The following PHF24 variants were observed in gnomAD, a reference collection of about 807,000 sequenced individuals.
PHF24 encodes the protein Galpha inhibitory interacting protein.
Under a neutral mutation model 42.6 loss-of-function variants are expected in PHF24, and 25 were observed. That is an observed-to-expected ratio of 0.59 (90% CI 0.43 to 0.82). PHF24 has a LOEUF of 0.82. PHF24 is among the 40% of genes least tolerant of loss of function. PHF24 has a pLI of 0.00. For synonymous variants in PHF24, 185 were observed against 204.8 expected, an observed-to-expected ratio of 0.90 and a Z score of 0.83; for missense variants, 470 against 538.1, an observed-to-expected ratio of 0.87 and a Z score of 1.25.
At chr9:34,849,537 G>A in the PHF24 span, among the ~76,000 whole-genome samples, 1 of 151,874 alleles carries the variant, frequency 6.6e-6, no homozygotes, top group Non-Finnish European at 1.5e-5. Flanking sequence ...CACACTGATG[G>A]GTCTTGATTC....
At chr9:34,895,157 A>G in the PHF24 span, 4 of 398,356 alleles carry the variant, frequency 1.0e-5, no homozygotes, top group Non-Finnish European at 1.8e-5. Context: ...AACAAAACTC[A>G]TAAACATTTC....
chr9:34,758,580 A>G, the PHF24 span, among the ~76,000 whole-genome samples: 18 of 152,074 alleles, frequency 1.2e-4, no homozygotes, highest in Non-Finnish European at 2.2e-4. The surrounding 1 kb of genome is among the most constrained non-coding windows in gnomAD (Gnocchi z 4.4). Context: ...GACATAATGA[A>G]GATGGAGCCA....
the PHF24 span, among the ~76,000 whole-genome samples, chr9:34,942,905 C>T: frequency 1.3e-5 from 2 of 151,912 alleles, no homozygotes; most frequent in Admixed American, 6.6e-5. Flanking sequence ...ATGTAAATGA[C>T]GAGTTAATGG....
chr9:34,837,629 G>C, the PHF24 span: 1 of 1,497,744 alleles, frequency 6.7e-7, no homozygotes, highest in Admixed American at 2.0e-5. Context: ...GTGGAAGGGA[G>C]TCAGAGGAGA....
the PHF24 span, among the ~76,000 whole-genome samples, chr9:34,830,564 G>T: frequency 6.6e-6 from 1 of 152,180 alleles, no homozygotes; most frequent in African/African-American, 2.4e-5. Flanking sequence ...ATATGAGTAT[G>T]ATGGCCATTA....
chr9:34,864,265 C>T, the PHF24 span, among the ~76,000 whole-genome samples: 2 of 152,072 alleles, frequency 1.3e-5, no homozygotes, highest in Admixed American at 1.3e-4. Flanking sequence ...ATTCCCAAAC[C>T]TAGAGAAGGA....
the PHF24 span, among the ~76,000 whole-genome samples, chr9:34,948,886 A>G: frequency 3.3e-5 from 5 of 152,262 alleles, no homozygotes; most frequent in Non-Finnish European, 5.9e-5. Context: ...AGCTAGACCG[A>G]CTATATTAAC....
the PHF24 span, among the ~76,000 whole-genome samples, chr9:34,924,735 C>T: frequency 6.6e-6 from 1 of 152,084 alleles, no homozygotes; most frequent in South Asian, 2.1e-4. Context: ...TCAGTCACTC[C>T]ATGTCTTTTG....
chr9:34,809,965 C>G, the PHF24 span, among the ~76,000 whole-genome samples: 1 of 150,922 alleles, frequency 6.6e-6, no homozygotes, highest in Admixed American at 6.6e-5. The surrounding 1 kb of genome is among the most constrained non-coding windows in gnomAD (Gnocchi z 4.1). Flanking sequence ...CGCGCGCCCA[C>G]CTGCCGGCCA....
At chr9:34,824,054 C>T in the PHF24 span, among the ~76,000 whole-genome samples, 2 of 152,206 alleles carry the variant, frequency 1.3e-5, no homozygotes, top group Admixed American at 1.3e-4. Context: ...ACACTCCCTT[C>T]ACCCTCAGGG....
intron 3 of PHF24, among the ~76,000 whole-genome samples, chr9:34,973,827 G>A (rs1168940045): frequency 6.6e-6 from 1 of 152,220 alleles, no homozygotes; most frequent in African/African-American, 2.4e-5. Context: ...GTGTGCTGCT[G>A]CTATAGGACT....
chr9:34,833,593 T>C, the PHF24 span: 2 of 1,549,676 alleles, frequency 1.3e-6, no homozygotes, highest in South Asian at 1.2e-5. Context: ...GAATTCCCCA[T>C]TGTATCTCTA....
the PHF24 span, among the ~76,000 whole-genome samples, chr9:34,832,143 G>T: frequency 5.3e-5 from 8 of 152,158 alleles, no homozygotes; most frequent in Admixed American, 5.2e-4. Context: ...TGCATTTCTA[G>T]TGGCACCCTG....
At chr9:34,842,599 A>T in the PHF24 span, among the ~76,000 whole-genome samples, 4 of 152,118 alleles carry the variant, frequency 2.6e-5, no homozygotes, top group Non-Finnish European at 5.9e-5. Context: ...CCTCTGGAGG[A>T]TGCAGCAACC....
the PHF24 span, among the ~76,000 whole-genome samples, chr9:34,872,566 A>G: frequency 1.4e-5 from 2 of 148,110 alleles, no homozygotes; most frequent in Non-Finnish European, 1.5e-5. Flanking sequence ...ATAGTATTCC[A>G]TGGTGTATAT....
At chr9:34,795,534 G>T in the PHF24 span, among the ~76,000 whole-genome samples, 8 of 152,070 alleles carry the variant, frequency 5.3e-5, no homozygotes, top group Non-Finnish European at 1.2e-4. Flanking sequence ...AAGAGAAATG[G>T]TAAAATTCTA....
the PHF24 span, among the ~76,000 whole-genome samples, chr9:34,757,107 G>A: frequency 6.6e-6 from 1 of 152,036 alleles, no homozygotes; most frequent in Non-Finnish European, 1.5e-5. Context: ...GTTTCACCAT[G>A]TTGGCCAGGC....
chr9:34,979,249 GC>G (rs1183859435), exon 8 of PHF24: 1 of 126,600 alleles, frequency 7.9e-6, no homozygotes, highest in Non-Finnish European at 2.0e-5. Flanking sequence ...TCCTGGGAAA[GC>G]CTTACAGAAG....
chr9:34,911,092 G>A, the PHF24 span, among the ~76,000 whole-genome samples: 19 of 152,080 alleles, frequency 1.2e-4, no homozygotes, highest in Middle Eastern at 3.4e-3. Flanking sequence ...CGAAAGTGCT[G>A]GGATTACAGG....
Sources: allele counts gnomAD v4.1 joint callset (sites outside exome capture counted in the v4.1 genomes callset), GRCh38; gene constraint gnomAD v4.1.1; non-coding constraint Gnocchi (gnomAD v3.1); transcripts MANE v1.5; gene names NCBI Gene and HGNC (gene_info 2026-07-23, HGNC 2026-07-21).